Variants in PDZD2 observed in about 807,000 individuals in gnomAD.
The protein encoded by PDZD2 is PDZ domain containing 2, also known as PDZ domain-containing protein 2.
In PDZD2, 90 loss-of-function variants were observed where a neutral mutation model predicts 220.7. The observed-to-expected ratio is 0.41, with a 90% CI of 0.34 to 0.49. The LOEUF (loss-of-function observed/expected upper bound fraction) is 0.49. Ranked by LOEUF, PDZD2 falls within the 20% of genes least tolerant of loss-of-function variation. The pLI, the probability that PDZD2 is intolerant of heterozygous loss-of-function variation, is 0.28. For missense variants in PDZD2, 3,174 were observed against 3,608.5 expected (o/e 0.88, Z 3.08); for synonymous variants, 1,375 against 1,450.5 (o/e 0.95, Z 1.18).
chr5:31,766,978 T>C (rs2330775), intron 1 of PDZD2, among the ~76,000 whole-genome samples: 56,305 of 146,744 alleles, frequency 0.38, 11,713 homozygotes, highest in Middle Eastern at 0.5. Context: ...TCCACCCACC[T>C]GCCTCCCAAA....
At chr5:31,754,163 A>C (rs2150180612) in intron 1 of PDZD2, 1 of 152,360 alleles carries the variant, frequency 6.6e-6, no homozygotes, top group East Asian at 1.9e-4. Context: ...GTTGGGCTCA[A>C]CGTGGTGCCT....
chr5:31,901,516 A>T (rs6863256), intron 2 of PDZD2, among the ~76,000 whole-genome samples: 94,169 of 152,022 alleles, frequency 0.62, 30,131 homozygotes, highest in Middle Eastern at 0.74. Flanking sequence ...TTCCCCTCAA[A>T]CAATTTTCAG....
chr5:31,652,981 C>T (rs753936218), intron 1 of PDZD2, among the ~76,000 whole-genome samples: 3 of 152,060 alleles, frequency 2.0e-5, no homozygotes, highest in Non-Finnish European at 2.9e-5. Flanking sequence ...CATTGAATGC[C>T]ACCCTGGGTG....
At chr5:31,783,004 G>A (rs905381023) in intron 1 of PDZD2, among the ~76,000 whole-genome samples, 5 of 152,102 alleles carry the variant, frequency 3.3e-5, no homozygotes, top group African/African-American at 7.2e-5. Flanking sequence ...GTGAGCCACC[G>A]TGCCTGGCCA....
chr5:31,746,631 A>G (rs1458683826), intron 1 of PDZD2, among the ~76,000 whole-genome samples: 2 of 152,214 alleles, frequency 1.3e-5, no homozygotes, highest in African/African-American at 2.4e-5. Context: ...ACAAGTACCT[A>G]TGACACTTGG....
intron 1 of PDZD2, among the ~76,000 whole-genome samples, chr5:31,721,318 G>T (rs115791964): frequency 6.6e-6 from 1 of 152,190 alleles, no homozygotes; most frequent in African/African-American, 2.4e-5. Context: ...GAGAGAACCC[G>T]TGTGAGAACT....
At chr5:31,892,761 G>A (rs115649283) in intron 2 of PDZD2, among the ~76,000 whole-genome samples, 2 of 138,200 alleles carry the variant, frequency 1.4e-5, no homozygotes, top group Admixed American at 7.1e-5. Flanking sequence ...TGGGCGGGGG[G>A]GGTCTCACTA....
intron 1 of PDZD2, among the ~76,000 whole-genome samples, chr5:31,662,583 T>TTCTA (rs1745809598): frequency 6.6e-6 from 1 of 152,230 alleles, no homozygotes; most frequent in South Asian, 2.1e-4. Context: ...GGATGGTGCC[T>TTCTA]TCTAGCTGCA....
At chr5:31,884,191 C>G (rs1430462096) in intron 2 of PDZD2, among the ~76,000 whole-genome samples, 1 of 151,302 alleles carries the variant, frequency 6.6e-6, no homozygotes, top group African/African-American at 2.5e-5. Flanking sequence ...CCAGCTTGGG[C>G]AACAGAGCGA....
chr5:31,995,161 G>C (rs1043604888), intron 3 of PDZD2, among the ~76,000 whole-genome samples: 2 of 152,170 alleles, frequency 1.3e-5, no homozygotes, highest in Admixed American at 6.5e-5. Flanking sequence ...GGCAGAAGCA[G>C]CTTCACCTAA....
intron 1 of PDZD2, among the ~76,000 whole-genome samples, chr5:31,710,107 AC>A (rs11351366): frequency 0.013 from 1,921 of 152,294 alleles, 46 homozygotes; most frequent in African/African-American, 0.044. Flanking sequence ...AAAGTGAAGA[AC>A]CTGTGAAGGA....
intron 21 of PDZD2, among the ~76,000 whole-genome samples, chr5:32,096,348 A>G (rs1370274505): frequency 3.3e-5 from 5 of 151,246 alleles, no homozygotes; most frequent in African/African-American, 1.2e-4. Context: ...ACAGAGCCTC[A>G]CTCCATCACC....
rs185237316 is a variant in PDZD2, at chr5:31,686,541, A to G, written c.-361+47104A>G. ...ACCACACCTGGCTGAATTTTTTTGT[A>G]TTTTTAGTAGAGACAGGGTTTCGCC... On this transcript the variant is annotated intron_variant, in intron 1 of 24. Coordinates refer to ENST00000438447, the MANE Select transcript of PDZD2 (RefSeq NM_178140.4). Among the ~76,000 whole-genome samples, 102 of 151,758 alleles carry G rather than the reference A, an allele frequency of 6.7e-4. 1 individual carries two copies. The East Asian group carries it at 0.019, about 29-fold the overall frequency.
chr5:31,910,828 C>T (rs1743136746), intron 2 of PDZD2, among the ~76,000 whole-genome samples: 1 of 152,164 alleles, frequency 6.6e-6, no homozygotes, highest in South Asian at 2.1e-4. Flanking sequence ...CCACGCCCAG[C>T]CAGTTCCTGC....
At chr5:31,978,494 C>T (rs953213263) in intron 2 of PDZD2, among the ~76,000 whole-genome samples, 4 of 151,988 alleles carry the variant, frequency 2.6e-5, no homozygotes, top group East Asian at 1.9e-4. Context: ...CCGAGGTGGG[C>T]GGATCACGAG....
At chr5:31,947,243 T>C (rs1343907857) in intron 2 of PDZD2, among the ~76,000 whole-genome samples, 1 of 152,230 alleles carries the variant, frequency 6.6e-6, no homozygotes, top group East Asian at 1.9e-4. Flanking sequence ...TGAAATCCAC[T>C]ATTCTAAGCC....
chr5:31,812,524 G>C (rs1580806286), intron 2 of PDZD2, among the ~76,000 whole-genome samples: 1 of 151,914 alleles, frequency 6.6e-6, no homozygotes, highest in African/African-American at 2.4e-5. Flanking sequence ...CTGCAGCCTT[G>C]AACTCCTGGG....
chr5:31,916,613 G>A (rs1480630189), intron 2 of PDZD2, among the ~76,000 whole-genome samples: 5 of 152,222 alleles, frequency 3.3e-5, no homozygotes, highest in African/African-American at 7.2e-5. Flanking sequence ...GCCCTGGCTC[G>A]AGTGTCACTT....
chr5:31,891,849 G>T (rs543157611), intron 2 of PDZD2, among the ~76,000 whole-genome samples: 2 of 152,296 alleles, frequency 1.3e-5, no homozygotes, highest in Admixed American at 6.5e-5. Flanking sequence ...TGTTACCAAA[G>T]GGTTAATGAG....
Sources: gnomAD v4.1 joint callset for allele counts (sites outside exome capture counted in the v4.1 genomes callset) on GRCh38, gnomAD v4.1.1 for gene constraint, MANE v1.5 for transcripts, NCBI Gene and HGNC (gene_info 2026-07-23, HGNC 2026-07-21) for gene names.